RTL4: variants seen among roughly 807,000 people sequenced by gnomAD.
RTL4 encodes the protein retrotransposon Gag like 4.
RTL4 carries 4 observed loss-of-function variants against 5.3 expected under a neutral mutation model. The observed-to-expected ratio is 0.75, with a 90% CI of 0.37 to 1.72. The LOEUF (loss-of-function observed/expected upper bound fraction) is 1.72, where lower values mean the gene tolerates loss of function less well. RTL4 is among the 40% of genes most tolerant of loss of function. The probability of loss-of-function intolerance (pLI) is 0.04; values close to 1 mark genes in which losing one functional copy is unlikely to be tolerated. For missense variants in RTL4, 260 were observed against 227.1 expected (o/e 1.14, Z -0.93); for synonymous variants, 98 against 87.3 (o/e 1.12, Z -0.68).
chrX:112,248,304 C>T, the RTL4 span, among the ~76,000 whole-genome samples: 2 of 112,147 alleles, frequency 1.8e-5, no homozygotes, highest in Non-Finnish European at 3.8e-5. Context: ...GACTTAAGAG[C>T]AGAAAATTTG....
chrX:112,350,102 T>G, the RTL4 span, among the ~76,000 whole-genome samples: 2 of 111,525 alleles, frequency 1.8e-5, no homozygotes, highest in African/African-American at 6.5e-5. Context: ...AAAGGCCTTT[T>G]CTGCATCTAT....
chrX:112,309,777 C>T, the RTL4 span, among the ~76,000 whole-genome samples: 1 of 108,951 alleles, frequency 9.2e-6, no homozygotes, highest in African/African-American at 3.4e-5. Flanking sequence ...TATGTATACA[C>T]ATACACATAT....
chrX:112,108,077 T>A, the RTL4 span, among the ~76,000 whole-genome samples: 59 of 111,636 alleles, frequency 5.3e-4, no homozygotes, highest in East Asian at 9.9e-3. Flanking sequence ...TTCTGCTTGA[T>A]CAGTTCTGCT....
the RTL4 span, among the ~76,000 whole-genome samples, chrX:112,209,926 G>A: frequency 1.4e-4 from 16 of 111,709 alleles, no homozygotes; most frequent in African/African-American, 4.2e-4. Flanking sequence ...AGAAGCCTCC[G>A]CTGTGATTCA....
At chrX:112,343,985 CT>C in the RTL4 span, among the ~76,000 whole-genome samples, 1 of 111,754 alleles carries the variant, frequency 8.9e-6, no homozygotes, top group African/African-American at 3.2e-5. Flanking sequence ...AGTGTTTTTT[CT>C]GTCTAAATGT....
the RTL4 span, among the ~76,000 whole-genome samples, chrX:112,357,415 G>A: frequency 2.7e-5 from 3 of 111,279 alleles, no homozygotes; most frequent in African/African-American, 9.8e-5. Flanking sequence ...CCTGGAAGAG[G>A]GGATTAAGCC....
chrX:112,419,684 C>T, the RTL4 span, among the ~76,000 whole-genome samples: 2 of 43,905 alleles, frequency 4.6e-5, no homozygotes, highest in African/African-American at 1.4e-4. Context: ...AGGTGACAGG[C>T]ATACCCTCAC....
At chrX:112,127,989 A>C in the RTL4 span, among the ~76,000 whole-genome samples, 1 of 111,877 alleles carries the variant, frequency 8.9e-6, no homozygotes, top group Non-Finnish European at 1.9e-5. Context: ...TGACAATATA[A>C]ACTGAAATAG....
the RTL4 span, among the ~76,000 whole-genome samples, chrX:112,374,013 C>T: frequency 9.0e-6 from 1 of 110,988 alleles, no homozygotes; most frequent in Non-Finnish European, 1.9e-5. Flanking sequence ...GCATGCTCTT[C>T]CTAATATAAA....
chrX:112,218,428 A>T, the RTL4 span, among the ~76,000 whole-genome samples: 614 of 112,027 alleles, frequency 5.5e-3, 6 homozygotes, highest in Non-Finnish European at 9.7e-3. Flanking sequence ...CTTTCTCCAT[A>T]GGCTCTCTCC....
chrX:112,089,197 C>T, the RTL4 span, among the ~76,000 whole-genome samples: 44 of 110,251 alleles, frequency 4.0e-4, no homozygotes, highest in South Asian at 1.5e-3. Flanking sequence ...TGCCATGCTG[C>T]GGTGCTGCAC....
chrX:112,275,262 C>T, the RTL4 span, among the ~76,000 whole-genome samples: 12 of 108,868 alleles, frequency 1.1e-4, no homozygotes, highest in South Asian at 1.2e-3. Flanking sequence ...TATTCACATG[C>T]GAGAACTAGC....
the RTL4 span, among the ~76,000 whole-genome samples, chrX:112,435,083 G>A: frequency 9.0e-6 from 1 of 110,972 alleles, no homozygotes; most frequent in Non-Finnish European, 1.9e-5. Context: ...GAACAGCATG[G>A]GGGAAACTGC....
the RTL4 span, among the ~76,000 whole-genome samples, chrX:112,429,451 A>G: frequency 9.0e-6 from 1 of 111,277 alleles, no homozygotes; most frequent in East Asian, 2.8e-4. Context: ...GTACCTTATA[A>G]TAACGAAATA....
chrX:112,238,067 A>G, the RTL4 span, among the ~76,000 whole-genome samples: 2 of 111,979 alleles, frequency 1.8e-5, no homozygotes, highest in Non-Finnish European at 3.8e-5. Flanking sequence ...AAAATACAGA[A>G]AAGTGCAAAG....
the RTL4 span, among the ~76,000 whole-genome samples, chrX:112,350,920 G>T: frequency 8.1e-5 from 9 of 111,085 alleles, no homozygotes; most frequent in Non-Finnish European, 1.5e-4. Context: ...TTTTGAATGT[G>T]TTTGCTCTTG....
chrX:112,283,445 G>A, the RTL4 span, among the ~76,000 whole-genome samples: 1 of 111,622 alleles, frequency 9.0e-6, no homozygotes, highest in African/African-American at 3.3e-5. Flanking sequence ...AGGCAACAAA[G>A]ACTATCAAGA....
chrX:112,447,230 T>G, the RTL4 span, among the ~76,000 whole-genome samples: 2 of 111,994 alleles, frequency 1.8e-5, no homozygotes, highest in African/African-American at 6.5e-5. Context: ...GTTTCTCAGA[T>G]AGAAACTGGA....
the RTL4 span, among the ~76,000 whole-genome samples, chrX:112,123,999 A>T: frequency 9.0e-6 from 1 of 111,717 alleles, no homozygotes; most frequent in Non-Finnish European, 1.9e-5. Context: ...AGAAAAAAAA[A>T]ACCTCATAAA....
Sources: gnomAD v4.1 joint callset for allele counts (sites outside exome capture counted in the v4.1 genomes callset) on GRCh38, gnomAD v4.1.1 for gene constraint, MANE v1.5 for transcripts, NCBI Gene and HGNC (gene_info 2026-07-23, HGNC 2026-07-21) for gene names.